Variants in LHX6 observed in about 807,000 individuals in gnomAD.
LHX6 encodes LIM homeobox 6, also known as LIM/homeobox protein Lhx6.
A neutral mutation model predicts 47.1 loss-of-function variants in LHX6; 15 were observed. The ratio of observed to expected loss-of-function variants is 0.32; its 90% CI spans 0.21 to 0.49. LHX6 has a LOEUF of 0.49. Ranked by LOEUF, LHX6 falls within the 20% of genes least tolerant of loss-of-function variation. The pLI is 0.99. For missense variants in LHX6, 404 were observed against 539.6 expected (o/e 0.75, Z 2.49); for synonymous variants, 242 against 233.5 (o/e 1.04, Z -0.33).
chr9:122,228,016 G>C (rs1831183865), intron 1 of LHX6: 1 of 279,600 alleles, frequency 3.6e-6, no homozygotes, highest in Non-Finnish European at 6.7e-6. Context: ...ATGCAAAAAG[G>C]AGAAAAGAGA....
chr9:122,204,605 C>G lies in LHX6; in HGVS notation c.*155G>C. 1.3e-6 allele frequency: 1 copy of G among 766,322 alleles called. No individual in the cohort carries two copies. The highest frequency in any genetic ancestry group is 2.0e-6 in the Non-Finnish European group (1 of 488,376). 47.5% of individuals were successfully genotyped at this position (766,322 alleles called of 1,614,324 possible). On this transcript the variant is annotated 3_prime_UTR_variant, in exon 10 of 10. Transcript: ENST00000394319. Reference sequence around the variant, plus strand: ...TGGTTCTCAGCAGGAGAGGGAAAGGCCAGGCCTCGGGAACCGACCTGGTGG... The same window carrying G: ...TGGTTCTCAGCAGGAGAGGGAAAGGGCAGGCCTCGGGAACCGACCTGGTGG...
At chr9:122,221,346 G>T in intron 4 of LHX6, 1 of 985,582 alleles carries the variant, frequency 1.0e-6, no homozygotes, top group Non-Finnish European at 1.2e-6. Context: ...CCCAACAGCT[G>T]GCCGCCGCTG....
At position 122,227,334 on chromosome 9, in the gene LHX6, C is replaced by G; in HGVS notation, c.156+75G>C. On this transcript the variant is annotated intron_variant, in intron 2 of 9. Transcript: ENST00000394319. Reference sequence around the variant, plus strand: ...CAGAGCGTGAGCAGCAGTTCGTGGCCGGAAAACCTGGCCAGGTCCCCAGGG... The same window carrying G: ...CAGAGCGTGAGCAGCAGTTCGTGGCGGGAAAACCTGGCCAGGTCCCCAGGG... 8 of 1,362,218 alleles carry G rather than the reference C, an allele frequency of 5.9e-6. No homozygotes were observed. The South Asian group carries it at 1.1e-4, about 18-fold the overall frequency. The allele number at this position is 1,362,218 out of a possible 1,614,324, so 84.4% of individuals were successfully genotyped here.
chr9:122,223,628 T>G (rs1830968559), intron 4 of LHX6, among the ~76,000 whole-genome samples: 1 of 152,158 alleles, frequency 6.6e-6, no homozygotes, highest in Non-Finnish European at 1.5e-5. Flanking sequence ...CTGGCCAGAC[T>G]GGGCCCAGTC....
At position 122,213,487 on chromosome 9, in the gene LHX6, C is replaced by T. The variant is rs1162521774; in HGVS notation, c.1054+119G>A. 2.2e-6 allele frequency: 2 copies of T among 909,006 alleles called. No homozygotes were observed. The highest frequency in any genetic ancestry group is 3.2e-6 in the Non-Finnish European group (2 of 622,004). The allele number at this position is 909,006 out of a possible 1,614,324, so 56.3% of individuals were successfully genotyped here. The stretch of plus-strand genomic sequence containing the variant: ...ATCCAAATGACTTCGGGTCCCGCTT[C>T]TTCACCCACGAGGCTCCCCAAGGCC... On this transcript the variant is annotated intron_variant, in intron 8 of 9. Coordinates refer to ENST00000394319, the MANE Select transcript of LHX6 (RefSeq NM_014368.5). The surrounding 1 kb of genome is among the most constrained non-coding windows in gnomAD (Gnocchi z 5.5).
At chr9:122,223,895 T>C (rs1830979544) in intron 4 of LHX6, among the ~76,000 whole-genome samples, 1 of 151,928 alleles carries the variant, frequency 6.6e-6, no homozygotes, top group Non-Finnish European at 1.5e-5. Context: ...CCAGGAGAGG[T>C]GTCCTAGTGG....
At position 122,204,417 on chromosome 9, in the gene LHX6, G is replaced by A. The variant is rs1001587557; in HGVS notation, c.*343C>T. On this transcript the variant is annotated 3_prime_UTR_variant, in exon 10 of 10. Coordinates refer to ENST00000394319, the MANE Select transcript of LHX6 (RefSeq NM_014368.5). ...AAAAAAACCTGTAAATGAGAAGGCC[G>A]TTGGCATCGCACAATTCAATTCCGC... 30 of 360,690 alleles carry A rather than the reference G, an allele frequency of 8.3e-5. No homozygotes were observed. The highest frequency in any genetic ancestry group is 1.6e-4 in the East Asian group (4 of 24,672). 22.3% of individuals were successfully genotyped at this position (360,690 alleles called of 1,614,324 possible). A position where few individuals can be genotyped will look rare whatever the true frequency, so the allele number is the denominator to read the frequency against.
intron 4 of LHX6, among the ~76,000 whole-genome samples, chr9:122,220,844 C>A (rs1227771119): frequency 1.3e-5 from 2 of 152,200 alleles, no homozygotes; most frequent in African/African-American, 4.8e-5. Context: ...TGAAGGGAGC[C>A]CTGCGCCCTT....
Position 122,204,686 on chromosome 9 carries a change from C to G in LHX6, c.*74G>C. ...GAGGTGGGTGGACTCCTGGCCGCAGCTTGGACACTGGATCTCAGCGGCTGA... is the reference window on the plus strand; with the variant it reads ...GAGGTGGGTGGACTCCTGGCCGCAGGTTGGACACTGGATCTCAGCGGCTGA... On this transcript the variant is annotated 3_prime_UTR_variant, in exon 10 of 10. Transcript: ENST00000394319. The G allele has an allele frequency of 6.3e-7, 1 of 1,577,322 alleles. No homozygotes were observed. The highest frequency in any genetic ancestry group is 8.6e-7 in the Non-Finnish European group (1 of 1,159,734).
chr9:122,228,548 C>A (rs1215116585), intron 1 of LHX6, 109 bp downstream of exon 1: 3 of 1,364,318 alleles, frequency 2.2e-6, no homozygotes, highest in East Asian at 3.0e-5. Flanking sequence ...CAGGCGCACC[C>A]TCGTACCCCT....
At chr9:122,227,835 GAGGT>G (rs1409057471) in intron 1 of LHX6, 1 of 349,844 alleles carries the variant, frequency 2.9e-6, no homozygotes, top group African/African-American at 2.2e-5. Context: ...CCCAAGATAA[GAGGT>G]AGCCAGAGTG....
chr9:122,208,244 G>T (rs1317604316), intron 9 of LHX6, among the ~76,000 whole-genome samples: 2 of 152,148 alleles, frequency 1.3e-5, no homozygotes, highest in African/African-American at 4.8e-5. Context: ...GAGAGCTCTG[G>T]TGTCTCATGC....
Position 122,214,246 on chromosome 9 carries a change from G to A in LHX6, c.783+37C>T, listed in dbSNP as rs529524045. The A allele has an allele frequency of 5.1e-6, 7 of 1,375,170 alleles. No homozygotes were observed. Among genetic ancestry groups the A allele is most frequent in the East Asian group, 3.6e-5 (1 of 27,782 alleles). The allele number at this position is 1,375,170 out of a possible 1,614,324, so 85.2% of individuals were successfully genotyped here. On this transcript the variant is annotated intron_variant, in intron 6 of 9. Transcript: ENST00000394319. This position sits in a 1 kb window ranked among gnomAD's most constrained non-coding sequence, Gnocchi z 4.6. Reference sequence around the variant, plus strand: ...TGTCGGCCCCGCCCACTTTCGGCCCGGCCCCCGCCCCCGCCGCCCACTGCT... The same window carrying A: ...TGTCGGCCCCGCCCACTTTCGGCCCAGCCCCCGCCCCCGCCGCCCACTGCT...
rs929612420 is a variant in LHX6 at position 122,223,643 on chromosome 9, G to A, written c.461+2733C>T. Reference sequence around the variant, plus strand: ...CTGGCCAGACTGGGCCCAGTCTCCTGCCTCTTCCCACAGTGGCTGCACACC... The same window carrying A: ...CTGGCCAGACTGGGCCCAGTCTCCTACCTCTTCCCACAGTGGCTGCACACC... On this transcript the variant is annotated intron_variant, in intron 4 of 9. Transcript: ENST00000394319. Among the ~76,000 whole-genome samples, 5 of 152,144 alleles carry A rather than the reference G, an allele frequency of 3.3e-5. No individual in the cohort carries two copies. In the East Asian group the frequency reaches 7.7e-4, roughly 23 times the overall value.
At chr9:122,212,499 C>T (rs1254576175) in intron 8 of LHX6, among the ~76,000 whole-genome samples, 2 of 152,206 alleles carry the variant, frequency 1.3e-5, no homozygotes. Context: ...GGAATTGTGT[C>T]TGTGTGCATC....
At chr9:122,210,186 G>A (rs909568315) in intron 8 of LHX6, among the ~76,000 whole-genome samples, 1 of 151,918 alleles carries the variant, frequency 6.6e-6, no homozygotes, top group African/African-American at 2.4e-5. Context: ...CCAAAGTGCT[G>A]GGATTACAGG....
chr9:122,228,848 G>T lies in LHX6; in HGVS notation c.-108C>A. The T allele has an allele frequency of 2.7e-6, 2 of 732,394 alleles. No individual in the cohort carries two copies. The highest frequency in any genetic ancestry group is 4.3e-5 in the East Asian group (1 of 23,384). 45.4% of individuals were successfully genotyped at this position (732,394 alleles called of 1,614,324 possible). ...CTGCTGCAGGAGCAGGAGGAGAGCCGAGGCGCCGGCCCCGCCGCCCCGGGC... is the reference window on the plus strand; with the variant it reads ...CTGCTGCAGGAGCAGGAGGAGAGCCTAGGCGCCGGCCCCGCCGCCCCGGGC... On this transcript the variant is annotated 5_prime_UTR_variant, in exon 1 of 10. Transcript: ENST00000394319.
chr9:122,217,023 G>T lies in LHX6; in HGVS notation c.682+45C>A. Reference sequence around the variant, plus strand: ...TGGGGTGCTGGGGTGGGGTGGGGTGGGAAAGGGCTGGGGGCAGAGGTGCCA... The same window carrying T: ...TGGGGTGCTGGGGTGGGGTGGGGTGTGAAAGGGCTGGGGGCAGAGGTGCCA... On this transcript the variant is annotated intron_variant, in intron 5 of 9. Transcript: ENST00000394319. This position sits in a 1 kb window ranked among gnomAD's most constrained non-coding sequence, Gnocchi z 4.9. The T allele has an allele frequency of 6.4e-7, 1 of 1,550,566 alleles. No homozygotes were observed. The highest frequency in any genetic ancestry group is 8.9e-7 in the Non-Finnish European group (1 of 1,125,588).
At chr9:122,225,711 T>C (rs1831065394) in intron 4 of LHX6, among the ~76,000 whole-genome samples, 2 of 152,222 alleles carry the variant, frequency 1.3e-5, no homozygotes, top group African/African-American at 4.8e-5. Context: ...GGCCTGCGCA[T>C]GACCCCAGGC....
Sources: gnomAD v4.1 joint callset for allele counts (sites outside exome capture counted in the v4.1 genomes callset) on GRCh38, gnomAD v4.1.1 for gene constraint, Gnocchi (gnomAD v3.1) non-coding constraint, MANE v1.5 for transcripts, NCBI Gene and HGNC (gene_info 2026-07-23, HGNC 2026-07-21) for gene names.